The following NRG3 variants were observed in gnomAD, a reference collection of about 807,000 sequenced individuals.
NRG3 encodes the protein pro-neuregulin-3, membrane-bound isoform.
A neutral mutation model predicts 66.9 loss-of-function variants in NRG3; 31 were observed. That is an observed-to-expected ratio of 0.46 (90% CI 0.35 to 0.63). The LOEUF (loss-of-function observed/expected upper bound fraction) is 0.63. NRG3 is among the 20% of genes least tolerant of loss of function. The probability of loss-of-function intolerance (pLI) is 0.00; values close to 1 mark genes in which losing one functional copy is unlikely to be tolerated. For synonymous variants in NRG3, 393 were observed against 359.4 expected, an observed-to-expected ratio of 1.09 and a Z score of -1.06; for missense variants, 910 against 878.9, an observed-to-expected ratio of 1.04 and a Z score of -0.45.
intron 2 of NRG3, among the ~76,000 whole-genome samples, chr10:82,539,626 TTTTG>T (rs2043392261): frequency 6.6e-6 from 1 of 151,628 alleles, no homozygotes; most frequent in African/African-American, 2.4e-5. Context: ...TGCCGTTTTT[TTTTG>T]TTTTTGTTTT....
chr10:82,807,780 C>A (rs1156682125), intron 3 of NRG3, among the ~76,000 whole-genome samples: 1 of 152,030 alleles, frequency 6.6e-6, no homozygotes, highest in Admixed American at 6.6e-5. Flanking sequence ...TCCCTTTTTC[C>A]CTGTTTCCTG....
At chr10:82,429,017 A>C (rs1335570749) in intron 2 of NRG3, among the ~76,000 whole-genome samples, 1 of 151,974 alleles carries the variant, frequency 6.6e-6, no homozygotes, top group African/African-American at 2.4e-5. Flanking sequence ...GCCTGATAGT[A>C]TGTTTTGAGT....
intron 2 of NRG3, among the ~76,000 whole-genome samples, chr10:82,696,465 G>A (rs944658481): frequency 1.3e-5 from 2 of 152,080 alleles, no homozygotes; most frequent in Non-Finnish European, 2.9e-5. Context: ...AACCTGGAAT[G>A]ATGACAAGCA....
At chr10:81,966,530 T>G (rs2059737053) in intron 1 of NRG3, among the ~76,000 whole-genome samples, 1 of 152,018 alleles carries the variant, frequency 6.6e-6, no homozygotes, top group Non-Finnish European at 1.5e-5. Flanking sequence ...AGGCTGGTCT[T>G]GAACTCTTGG....
At chr10:82,747,301 T>C (rs1291396486) in intron 3 of NRG3, among the ~76,000 whole-genome samples, 4 of 152,038 alleles carry the variant, frequency 2.6e-5, no homozygotes, top group African/African-American at 9.7e-5. Flanking sequence ...TGAAGGGCTG[T>C]TTAGTGGGTT....
intron 2 of NRG3, among the ~76,000 whole-genome samples, chr10:82,546,936 A>G (rs1390876678): frequency 1.3e-5 from 2 of 152,114 alleles, no homozygotes; most frequent in Non-Finnish European, 1.5e-5. Context: ...AAATAGGGGG[A>G]AAAAACAAAG....
chr10:82,673,903 G>C (rs2053480894), intron 2 of NRG3, among the ~76,000 whole-genome samples: 1 of 152,122 alleles, frequency 6.6e-6, no homozygotes, highest in Non-Finnish European at 1.5e-5. Context: ...AAAGAACATA[G>C]ATCCAGGAGA....
chr10:82,216,227 T>C (rs2484888), intron 1 of NRG3, among the ~76,000 whole-genome samples: 16,828 of 151,766 alleles, frequency 0.11, 1,051 homozygotes, highest in Middle Eastern at 0.18. Flanking sequence ...GTGATCCACC[T>C]GCCTCGGCCT....
chr10:82,448,010 A>C (rs1207975107), intron 2 of NRG3, among the ~76,000 whole-genome samples: 1 of 152,198 alleles, frequency 6.6e-6, no homozygotes, highest in Non-Finnish European at 1.5e-5. Flanking sequence ...GGAGGGGTAA[A>C]TGAGGGATGG....
rs543767960 is a variant in NRG3 at position 82,088,638 on chromosome 10, C to T, written c.823+212475C>T. Among the ~76,000 whole-genome samples, 601 of 152,058 alleles carry T rather than the reference C, an allele frequency of 4.0e-3. 2 individuals carry two copies. Among genetic ancestry groups the T allele is most frequent in the Non-Finnish European group, 5.2e-3 (356 of 67,996 alleles). ...TAAGCAGAGAAGATGAGAATCAGACCGGGGAAGAATAAATTTCCTTTGTAT... is the reference window on the plus strand; with the variant it reads ...TAAGCAGAGAAGATGAGAATCAGACTGGGGAAGAATAAATTTCCTTTGTAT... On this transcript the variant is annotated intron_variant, in intron 1 of 8. Coordinates refer to ENST00000372141, the MANE Select transcript of NRG3 (RefSeq NM_001010848.4).
chr10:82,179,978 G>C (rs2073302731), intron 1 of NRG3, among the ~76,000 whole-genome samples: 1 of 151,526 alleles, frequency 6.6e-6, no homozygotes, highest in Non-Finnish European at 1.5e-5. Flanking sequence ...TTATTCCTAA[G>C]TGTTTTATTA....
At chr10:82,862,398 T>C (rs2064177334) in intron 3 of NRG3, among the ~76,000 whole-genome samples, 2 of 152,208 alleles carry the variant, frequency 1.3e-5, no homozygotes, top group African/African-American at 4.8e-5. Flanking sequence ...CTTATAGTAA[T>C]ATTTTTCTCA....
chr10:82,809,131 G>A lies in NRG3; in HGVS notation c.1028-56280G>A, dbSNP rs796295690. On this transcript the variant is annotated intron_variant, in intron 3 of 8. Coordinates refer to ENST00000372141, the MANE Select transcript of NRG3 (RefSeq NM_001010848.4). ...ACCATGCAAAGAAGGGAACAGCCAT[G>A]AGAAGCCATTAAAGAGCCCCATCCC... Among the ~76,000 whole-genome samples, 9 of 152,252 alleles carry A rather than the reference G, an allele frequency of 5.9e-5. No homozygotes were observed. The East Asian group carries it at 1.2e-3, about 20-fold the overall frequency.
intron 8 of NRG3, chr10:82,984,827 G>A: frequency 6.5e-7 from 1 of 1,547,322 alleles, no homozygotes; most frequent in Non-Finnish European, 8.8e-7. Context: ...ATACAGCTGT[G>A]GTGTGTTGAA....
chr10:81,975,314 CATCTATCT>C (rs140419592), intron 1 of NRG3, among the ~76,000 whole-genome samples: 37,898 of 143,500 alleles, frequency 0.26, 5,036 homozygotes, highest in Admixed American at 0.3. Context: ...AATTGTGTAA[CATCTATCT>C]ATCTATCTAT....
At chr10:82,586,240 T>TAAA (rs56840714) in intron 2 of NRG3, among the ~76,000 whole-genome samples, 4,166 of 144,140 alleles carry the variant, frequency 0.029, 83 homozygotes, top group East Asian at 0.14. Context: ...TTGAAATTAT[T>TAAA]AAAAAAAAAA....
At chr10:82,069,658 G>T (rs865813690) in intron 1 of NRG3, among the ~76,000 whole-genome samples, 1 of 152,074 alleles carries the variant, frequency 6.6e-6, no homozygotes, top group African/African-American at 2.4e-5. Flanking sequence ...ATTTTTGAAG[G>T]TGTTCATACA....
At chr10:82,757,919 T>C (rs949500679) in intron 3 of NRG3, among the ~76,000 whole-genome samples, 1 of 152,086 alleles carries the variant, frequency 6.6e-6, no homozygotes, top group Non-Finnish European at 1.5e-5. Context: ...TTTGGCTTGA[T>C]TTGGTCAGTG....
intron 2 of NRG3, among the ~76,000 whole-genome samples, chr10:82,677,031 T>C (rs930448948): frequency 2.0e-5 from 3 of 150,090 alleles, no homozygotes; most frequent in Non-Finnish European, 4.4e-5. Flanking sequence ...ATTATCTTTC[T>C]TTCTTTCTTT....
Sources: gnomAD v4.1 joint callset for allele counts (sites outside exome capture counted in the v4.1 genomes callset) on GRCh38, gnomAD v4.1.1 for gene constraint, MANE v1.5 for transcripts, NCBI Gene and HGNC (gene_info 2026-07-23, HGNC 2026-07-21) for gene names.